Variants in SARS1 observed in about 807,000 individuals in gnomAD.
The protein encoded by SARS1 is seryl-tRNA synthetase 1.
SARS1 carries 25 observed loss-of-function variants against 63.7 expected under a neutral mutation model. The ratio of observed to expected loss-of-function variants is 0.39; its 90% CI spans 0.29 to 0.55. SARS1 has a LOEUF of 0.55. Ranked by LOEUF, SARS1 falls within the 20% of genes least tolerant of loss-of-function variation. The probability of loss-of-function intolerance (pLI) is 0.62; values close to 1 mark genes in which losing one functional copy is unlikely to be tolerated. For synonymous variants in SARS1, 231 were observed against 243.5 expected (o/e 0.95, Z 0.48); for missense variants, 417 against 649.7 (o/e 0.64, Z 3.89).
chr1:109,222,028 T>A (rs1451437204), intron 1 of SARS1, among the ~76,000 whole-genome samples: 2 of 108,582 alleles, frequency 1.8e-5, no homozygotes, highest in African/African-American at 8.2e-5. Context: ...TTTTTTTTTT[T>A]TTTTTTTTTT....
At chr1:109,233,616 A>G (rs569778015) in intron 6 of SARS1, among the ~76,000 whole-genome samples, 1 of 151,890 alleles carries the variant, frequency 6.6e-6, no homozygotes, top group Non-Finnish European at 1.5e-5. Flanking sequence ...TTTTTCATAT[A>G]TATGTTGTTT....
intron 1 of SARS1, 147 bp from the exon 2 acceptor site, chr1:109,223,830 GA>G: frequency 1.5e-6 from 1 of 653,534 alleles, no homozygotes; most frequent in Non-Finnish European, 2.8e-6. Flanking sequence ...AAAGCTGTAA[GA>G]TTTTATAACT....
chr1:109,235,242 C>G lies in SARS1; in HGVS notation c.780C>G (p.Asp260Glu), dbSNP rs1655284705. Reference protein sequence around the residue: ...VIGKGSEKSDDNSYDEKYLIA... With the variant: ...VIGKGSEKSDENSYDEKYLIA... ...GCAAAGGCAGTGAAAAGTCTGATGA[C>G]AACTCCTATGATGAGAAGTACCTGA... Residue 260 changes from aspartate to glutamate, a missense_variant, in exon 7 of 11, where the codon GAC becomes GAG. Physicochemically the swap from Asp to Glu is conservative, Grantham distance 45. This residue lies in a region of SARS1 where 359 missense variants were observed against 529.6 expected (regional missense o/e 0.68). Coordinates refer to ENST00000234677, the MANE Select transcript of SARS1 (RefSeq NM_006513.4). The surrounding 1 kb of genome is among the most constrained non-coding windows in gnomAD (Gnocchi z 4.7). 2 of 1,614,020 alleles carry G rather than the reference C, an allele frequency of 1.2e-6. No homozygotes were observed. Among genetic ancestry groups the G allele is most frequent in the Admixed American group, 1.7e-5 (1 of 60,002 alleles).
At position 109,214,137 on chromosome 1, in the gene SARS1, C is replaced by A; in HGVS notation, c.136+9C>A. The A allele has an allele frequency of 6.2e-7, 1 of 1,612,720 alleles. No individual in the cohort carries two copies. Among genetic ancestry groups the A allele is most frequent in the Non-Finnish European group, 8.5e-7 (1 of 1,179,360 alleles). ...CAGCGAGTGGCGACGATGTAAGTAC[C>A]GGGACGGGCGGGTTACCTCCTTGAT... On this transcript the variant is annotated intron_variant, in intron 1 of 10. Coordinates refer to ENST00000234677, the MANE Select transcript of SARS1 (RefSeq NM_006513.4). This position sits in a 1 kb window ranked among gnomAD's most constrained non-coding sequence, Gnocchi z 4.6.
intron 1 of SARS1, among the ~76,000 whole-genome samples, chr1:109,223,427 TTTTTAA>T (rs1211692495): frequency 1.3e-5 from 2 of 152,380 alleles, no homozygotes; most frequent in Non-Finnish European, 2.9e-5. Flanking sequence ...GTTATGATAC[TTTTTAA>T]TTTTAACCTC....
chr1:109,225,450 G>A (rs999251762), intron 2 of SARS1, among the ~76,000 whole-genome samples: 1 of 152,192 alleles, frequency 6.6e-6, no homozygotes, highest in Non-Finnish European at 1.5e-5. Flanking sequence ...CTCCCTGGGT[G>A]TTCTTTGGGA....
chr1:109,233,611 C>A (rs1655250458), intron 6 of SARS1, among the ~76,000 whole-genome samples: 1 of 151,664 alleles, frequency 6.6e-6, no homozygotes, highest in Non-Finnish European at 1.5e-5. Flanking sequence ...GGATTTTTTT[C>A]ATATATATGT....
In SARS1 at chr1:109,237,397, C is replaced by T. The variant is rs900307886; in HGVS notation, c.1387+24C>T. 32 of 1,613,998 alleles carry T rather than the reference C, an allele frequency of 2.0e-5. No homozygotes were observed. The highest frequency in any genetic ancestry group is 5.5e-5 in the South Asian group (5 of 91,052). On this transcript the variant is annotated intron_variant, in intron 10 of 10. Transcript: ENST00000234677. The surrounding 1 kb of genome is among the most constrained non-coding windows in gnomAD (Gnocchi z 4.1). ...AGGTAAAACTCCCAGCTCATCTCATCGTTCTCCTCTTTTCTGTCTTCACAC... is the reference window on the plus strand; with the variant it reads ...AGGTAAAACTCCCAGCTCATCTCATTGTTCTCCTCTTTTCTGTCTTCACAC...
chr1:109,224,630 A>G (rs1041478611), intron 2 of SARS1, among the ~76,000 whole-genome samples: 5 of 152,126 alleles, frequency 3.3e-5, no homozygotes, highest in East Asian at 1.9e-4. Flanking sequence ...TTGTTCAGCA[A>G]TTGTGAGTTA....
chr1:109,222,989 T>A (rs551495927), intron 1 of SARS1, among the ~76,000 whole-genome samples: 1 of 152,346 alleles, frequency 6.6e-6, no homozygotes, highest in South Asian at 2.1e-4. Flanking sequence ...CACTCCAGCC[T>A]AGGTGACAGA....
At chr1:109,225,942 C>G (rs1187646041) in intron 2 of SARS1, among the ~76,000 whole-genome samples, 1 of 152,172 alleles carries the variant, frequency 6.6e-6, no homozygotes, top group East Asian at 1.9e-4. Flanking sequence ...TTCCCTACCT[C>G]TGTAGTCTGT....
intron 1 of SARS1, chr1:109,216,186 G>A (rs931443773): frequency 4.1e-6 from 4 of 985,286 alleles, no homozygotes; most frequent in Non-Finnish European, 4.8e-6. Flanking sequence ...AGAGGATGGA[G>A]TTCTTCTCTC....
At chr1:109,215,617 T>C in intron 1 of SARS1, 1 of 980,154 alleles carries the variant, frequency 1.0e-6, no homozygotes, top group Non-Finnish European at 1.2e-6. Context: ...CAGGGCACTT[T>C]ATATTCTTTA....
At position 109,214,696 on chromosome 1, in the gene SARS1, G is replaced by T. The variant is rs948006124; in HGVS notation, c.136+568G>T. 2 of 985,426 alleles carry T rather than the reference G, an allele frequency of 2.0e-6. No homozygotes were observed. Among genetic ancestry groups the T allele is most frequent in the Non-Finnish European group, 2.4e-6 (2 of 830,014 alleles). The allele number at this position is 985,426 out of a possible 1,614,324, so 61.0% of individuals were successfully genotyped here. ...CGGAAGGCCATCCCCCGACCTATGG[G>T]CATACCTTTAAGAATTAGAAAAGTC... On this transcript the variant is annotated intron_variant, in intron 1 of 10. Coordinates refer to ENST00000234677, the MANE Select transcript of SARS1 (RefSeq NM_006513.4). The surrounding 1 kb of genome is among the most constrained non-coding windows in gnomAD (Gnocchi z 4.6).
At chr1:109,218,138 A>G (rs1390647801) in intron 1 of SARS1, among the ~76,000 whole-genome samples, 4 of 137,382 alleles carry the variant, frequency 2.9e-5, no homozygotes, top group Non-Finnish European at 6.1e-5. Flanking sequence ...GCTTGCAGTG[A>G]GCTGAGATCA....
chr1:109,229,377 A>G (rs1346579440), intron 3 of SARS1, 37 bp from the exon 4 acceptor site: 3 of 1,606,512 alleles, frequency 1.9e-6, no homozygotes, highest in African/African-American at 1.3e-5. Context: ...TCCTTGCCTC[A>G]CTGTCCTGCT....
intron 2 of SARS1, among the ~76,000 whole-genome samples, chr1:109,226,405 G>A (rs1293145494): frequency 4.1e-5 from 6 of 147,884 alleles, no homozygotes; most frequent in South Asian, 2.1e-4. Context: ...AGGCTAGAGC[G>A]CAGTGGCGTG....
In SARS1 at chr1:109,214,278, AAC is replaced by A. The variant is rs1453670820; in HGVS notation, c.136+154_136+155del. 2 of 1,014,012 alleles carry A rather than the reference AAC, an allele frequency of 2.0e-6. No individual in the cohort carries two copies. Among genetic ancestry groups the A allele is most frequent in the South Asian group, 1.7e-5 (1 of 57,598 alleles). The allele number at this position is 1,014,012 out of a possible 1,614,324, so 62.8% of individuals were successfully genotyped here. ...CTCCGAGGTTCTCCCCATCCCCGAA[AAC>A]ACAGCCTGGTCGCCGGGGTCATCCC... On this transcript the variant is annotated intron_variant, in intron 1 of 10. Coordinates refer to ENST00000234677, the MANE Select transcript of SARS1 (RefSeq NM_006513.4). The surrounding 1 kb of genome is among the most constrained non-coding windows in gnomAD (Gnocchi z 4.6).
At chr1:109,219,536 A>G (rs1654878004) in intron 1 of SARS1, among the ~76,000 whole-genome samples, 1 of 148,758 alleles carries the variant, frequency 6.7e-6, no homozygotes, top group Non-Finnish European at 1.5e-5. Flanking sequence ...TTTTTGAGAC[A>G]GATTCTTGCT....
Sources: gnomAD v4.1 joint callset for allele counts (sites outside exome capture counted in the v4.1 genomes callset) on GRCh38, gnomAD v4.1.1 for gene constraint, gnomAD v4.1.1 regional missense constraint, Gnocchi (gnomAD v3.1) non-coding constraint, MANE v1.5 for transcripts, NCBI Gene and HGNC (gene_info 2026-07-23, HGNC 2026-07-21) for gene names.